Variants in RIN2 observed in about 807,000 individuals in gnomAD.
RIN2 encodes the protein Ras and Rab interactor 2.
In RIN2, 36 loss-of-function variants were observed where a neutral mutation model predicts 78.0. That is an observed-to-expected ratio of 0.46 (90% confidence interval 0.35 to 0.61). The LOEUF is 0.61. RIN2 is among the 20% of genes least tolerant of loss of function. The pLI, the probability that RIN2 is intolerant of heterozygous loss-of-function variation, is 0.00. For missense variants in RIN2, 1,087 were observed against 1,159.7 expected (o/e 0.94, Z 0.91); for synonymous variants, 466 against 466.8 (o/e 1.00, Z 0.02).
chr20:19,761,529 G>A (rs2033641112), intron 1 of RIN2, among the ~76,000 whole-genome samples: 1 of 152,170 alleles, frequency 6.6e-6, no homozygotes, highest in Non-Finnish European at 1.5e-5. Context: ...TTCTCATGAA[G>A]TATCTTCTGG....
rs6132239 is a variant in RIN2 at position 19,886,398 on chromosome 20, C to T, written c.-36-3168C>T. ...CACAGCAGTCGCTCTTGGGGCCACA[C>T]GGAAAGCCACCACTGAGTTTACTAT... On this transcript the variant is annotated intron_variant, in intron 2 of 12. Coordinates refer to ENST00000255006, the MANE Select transcript of RIN2 (RefSeq NM_018993.4). The T allele has an allele frequency of 0.23, 74,171 of 328,602 alleles. 9,100 individuals are homozygous for T. Among genetic ancestry groups the T allele is most frequent in the African/African-American group, 0.35 (16,568 of 46,864 alleles). The allele number at this position is 328,602 out of a possible 1,614,324, so 20.4% of individuals were successfully genotyped here.
chr20:19,933,598 G>T (rs536878009), intron 3 of RIN2, among the ~76,000 whole-genome samples: 42 of 152,194 alleles, frequency 2.8e-4, no homozygotes, highest in Non-Finnish European at 5.4e-4. Context: ...GCAGTACCTG[G>T]CATGAAGCGG....
chr20:19,961,183 C>T (rs529830675), intron 6 of RIN2, among the ~76,000 whole-genome samples: 15 of 152,296 alleles, frequency 9.8e-5, no homozygotes, highest in Middle Eastern at 3.4e-3. Flanking sequence ...AGCCCTTTCA[C>T]GCTAATCCTA....
intron 2 of RIN2, among the ~76,000 whole-genome samples, chr20:19,801,522 T>C (rs1437022658): frequency 6.6e-6 from 1 of 151,848 alleles, no homozygotes. Flanking sequence ...GGGGTTTCAC[T>C]ATGTTAGCCA....
chr20:19,931,310 TA>T (rs57461981), intron 3 of RIN2, among the ~76,000 whole-genome samples: 12,753 of 150,718 alleles, frequency 0.085, 644 homozygotes, highest in East Asian at 0.25. Flanking sequence ...ATTTTATTTT[TA>T]AAAAAACTTT....
chr20:19,823,479 G>T, intron 2 of RIN2: 1 of 811,864 alleles, frequency 1.2e-6, no homozygotes, highest in Non-Finnish European at 2.2e-6. Flanking sequence ...CACCACTGTT[G>T]ATGTCATCTA....
intron 4 of RIN2, among the ~76,000 whole-genome samples, chr20:19,951,454 C>T (rs1405382567): frequency 3.3e-5 from 5 of 152,178 alleles, no homozygotes. Context: ...GAGCCTCACA[C>T]TGGGGGCACT....
chr20:19,989,858 G>T, intron 9 of RIN2, 148 bp from the exon 10 acceptor site: 1 of 713,196 alleles, frequency 1.4e-6, no homozygotes, highest in Non-Finnish European at 2.2e-6. Context: ...GGCGCTGCTT[G>T]GTGTTGTCTG....
chr20:19,803,020 A>C (rs1377656279), intron 2 of RIN2, among the ~76,000 whole-genome samples: 1 of 152,178 alleles, frequency 6.6e-6, no homozygotes, highest in Admixed American at 6.5e-5. Context: ...CATTAACTAA[A>C]TACAATTAAC....
At chr20:19,915,716 T>C (rs1478291053) in intron 3 of RIN2, among the ~76,000 whole-genome samples, 1 of 152,256 alleles carries the variant, frequency 6.6e-6, no homozygotes, top group African/African-American at 2.4e-5. Flanking sequence ...CTGAGCTTCA[T>C]ATTTGCTTAT....
At chr20:19,966,883 G>C (rs1319501526) in intron 7 of RIN2, among the ~76,000 whole-genome samples, 1 of 151,366 alleles carries the variant, frequency 6.6e-6, no homozygotes. Context: ...GAGGAGGCTG[G>C]TGCAGAAGCA....
intron 2 of RIN2, among the ~76,000 whole-genome samples, chr20:19,860,853 T>C (rs1163486490): frequency 6.6e-6 from 1 of 152,146 alleles, no homozygotes; most frequent in African/African-American, 2.4e-5. Context: ...ATCCCCATAG[T>C]TGAGTTAATG....
At chr20:19,814,694 A>G (rs1180507191) in intron 2 of RIN2, among the ~76,000 whole-genome samples, 1 of 152,088 alleles carries the variant, frequency 6.6e-6, no homozygotes, top group Non-Finnish European at 1.5e-5. Flanking sequence ...CTGGAACTCA[A>G]GCATCCTCCC....
chr20:19,836,345 C>T (rs571080878), intron 2 of RIN2, among the ~76,000 whole-genome samples: 1 of 152,258 alleles, frequency 6.6e-6, no homozygotes, highest in South Asian at 2.1e-4. Context: ...ATGACGCCAT[C>T]GCACCAAAAC....
chr20:19,990,924 C>G (rs566108614), intron 10 of RIN2, among the ~76,000 whole-genome samples: 1 of 152,296 alleles, frequency 6.6e-6, no homozygotes, highest in South Asian at 2.1e-4. Context: ...AATTGAAATT[C>G]ACCGAAGAGT....
chr20:19,942,505 C>T (rs1370680964), intron 4 of RIN2, among the ~76,000 whole-genome samples: 1 of 152,110 alleles, frequency 6.6e-6, no homozygotes, highest in East Asian at 1.9e-4. Flanking sequence ...GTGGAAAAAG[C>T]ACAATGCAGA....
chr20:19,952,722 G>A (rs552129209), intron 4 of RIN2, among the ~76,000 whole-genome samples: 7 of 152,178 alleles, frequency 4.6e-5, no homozygotes, highest in Non-Finnish European at 7.3e-5. Flanking sequence ...CATCACGATT[G>A]TCATGTTAGA....
At chr20:19,770,502 A>G (rs2034069289) in intron 1 of RIN2, among the ~76,000 whole-genome samples, 1 of 152,096 alleles carries the variant, frequency 6.6e-6, no homozygotes, top group Non-Finnish European at 1.5e-5. Context: ...GCAAATGAGC[A>G]TTTCTAAGGG....
chr20:19,917,009 A>G (rs1242328643), intron 3 of RIN2, among the ~76,000 whole-genome samples: 1 of 152,136 alleles, frequency 6.6e-6, no homozygotes, highest in Non-Finnish European at 1.5e-5. Flanking sequence ...AGAAAAAGTG[A>G]AAACCACCTG....
Sources: allele counts gnomAD v4.1 joint callset (sites outside exome capture counted in the v4.1 genomes callset), GRCh38; gene constraint gnomAD v4.1.1; transcripts MANE v1.5; gene names NCBI Gene and HGNC (gene_info 2026-07-23, HGNC 2026-07-21).